The following NKAIN2 variants were observed in gnomAD, a reference collection of about 807,000 sequenced individuals.
The protein encoded by NKAIN2 is sodium/potassium-transporting ATPase subunit beta-1-interacting protein 2.
Under a neutral mutation model 32.6 loss-of-function variants are expected in NKAIN2, and 14 were observed. That is an observed-to-expected ratio of 0.43 (90% CI 0.28 to 0.67). The LOEUF (loss-of-function observed/expected upper bound fraction) is 0.67. NKAIN2 is among the 30% of genes least tolerant of loss of function. The probability of loss-of-function intolerance (pLI) is 0.17; values close to 1 mark genes in which losing one functional copy is unlikely to be tolerated. For missense variants in NKAIN2, 198 were observed against 258.3 expected, an observed-to-expected ratio of 0.77 and a Z score of 1.60; for synonymous variants, 80 against 87.2, an observed-to-expected ratio of 0.92 and a Z score of 0.46.
At chr6:124,544,871 A>G (rs1780038153) in intron 3 of NKAIN2, among the ~76,000 whole-genome samples, 2 of 152,164 alleles carry the variant, frequency 1.3e-5, no homozygotes, top group Admixed American at 1.3e-4. Context: ...CTTCCCCGGA[A>G]AATTTTTTTG....
At chr6:123,925,792 T>C (rs1207375680) in intron 1 of NKAIN2, among the ~76,000 whole-genome samples, 2 of 152,220 alleles carry the variant, frequency 1.3e-5, no homozygotes, top group Non-Finnish European at 1.5e-5. Context: ...CTGATTTTTC[T>C]TTTTGCTCTT....
intron 4 of NKAIN2, among the ~76,000 whole-genome samples, chr6:124,690,775 T>C (rs1370736227): frequency 1.3e-5 from 2 of 152,204 alleles, no homozygotes; most frequent in Non-Finnish European, 2.9e-5. Context: ...CTGAATAGCA[T>C]AGCAGCTTTC....
chr6:124,800,557 C>T (rs1482470865), intron 5 of NKAIN2, among the ~76,000 whole-genome samples: 1 of 152,120 alleles, frequency 6.6e-6, no homozygotes, highest in Non-Finnish European at 1.5e-5. Flanking sequence ...AGTAATTAGG[C>T]TGAAGACAAA....
At position 124,759,377 on chromosome 6, in the gene NKAIN2, ATTATT is replaced by A. The variant is rs200590566; in HGVS notation, c.475-31958_475-31954del. On this transcript the variant is annotated intron_variant, in intron 4 of 6. Coordinates refer to ENST00000368417, the MANE Select transcript of NKAIN2 (RefSeq NM_001040214.3). ...CCAATTCTTACCAAGAGTTTAGAAT[ATTATT>A]TTAAGTTAGTAAATATTAACTAAAG... Among the ~76,000 whole-genome samples the A allele has an allele frequency of 6.8e-3, 1,035 of 152,280 alleles. 32 individuals are homozygous for A. Among genetic ancestry groups the A allele is most frequent in the Admixed American group, 0.058 (880 of 15,274 alleles).
rs575477850 is a variant in NKAIN2, at chr6:124,457,047, A to G, written c.273+101700A>G. Among the ~76,000 whole-genome samples, 21 of 152,006 alleles carry G rather than the reference A, an allele frequency of 1.4e-4. No individual in the cohort carries two copies. In the South Asian group the frequency reaches 4.4e-3, roughly 32 times the overall value. On this transcript the variant is annotated intron_variant, in intron 3 of 6. Transcript: ENST00000368417. ...GAATGTACTTTAATTTTTATTTACA[A>G]TTCTGGATCAGGGTAAGTTGCAACT... is the stretch of plus-strand genomic sequence containing the variant.
intron 1 of NKAIN2, among the ~76,000 whole-genome samples, chr6:123,941,880 T>TA (rs1776843719): frequency 6.6e-6 from 1 of 151,948 alleles, no homozygotes; most frequent in African/African-American, 2.4e-5. Context: ...CTCTTTTTTT[T>TA]ACCAATCCCT....
intron 4 of NKAIN2, among the ~76,000 whole-genome samples, chr6:124,770,419 C>T (rs1325503735): frequency 6.6e-6 from 1 of 152,176 alleles, no homozygotes; most frequent in Non-Finnish European, 1.5e-5. Flanking sequence ...GAAATTCTCA[C>T]TGTGTATCTG....
chr6:124,778,762 C>A (rs890515323), intron 4 of NKAIN2, among the ~76,000 whole-genome samples: 5 of 152,014 alleles, frequency 3.3e-5, no homozygotes, highest in African/African-American at 4.8e-5. Flanking sequence ...GCTAACCATT[C>A]TCAACCTCTG....
intron 3 of NKAIN2, among the ~76,000 whole-genome samples, chr6:124,446,834 G>T (rs529685736): frequency 6.6e-6 from 1 of 152,028 alleles, no homozygotes; most frequent in African/African-American, 2.4e-5. Context: ...TTCCAACCAG[G>T]AAAGATTCTG....
intron 4 of NKAIN2, among the ~76,000 whole-genome samples, chr6:124,746,286 T>G (rs1211999639): frequency 6.6e-6 from 1 of 151,874 alleles, no homozygotes; most frequent in African/African-American, 2.4e-5. Flanking sequence ...AAAAGAAAAT[T>G]AGTGCTTTTA....
intron 1 of NKAIN2, among the ~76,000 whole-genome samples, chr6:124,170,718 AAAGTAT>A (rs1380307543): frequency 6.6e-6 from 1 of 152,174 alleles, no homozygotes; most frequent in Non-Finnish European, 1.5e-5. Context: ...TTAGAATACG[AAAGTAT>A]AAATAGCAAA....
At chr6:124,190,330 C>T (rs1201723232) in intron 1 of NKAIN2, among the ~76,000 whole-genome samples, 1 of 152,160 alleles carries the variant, frequency 6.6e-6, no homozygotes, top group Admixed American at 6.5e-5. Flanking sequence ...TAGCAATTAC[C>T]TTAAATGATT....
intron 1 of NKAIN2, among the ~76,000 whole-genome samples, chr6:124,282,017 C>G (rs564961028): frequency 6.6e-5 from 10 of 152,220 alleles, no homozygotes; most frequent in African/African-American, 2.4e-4. Context: ...TATCATCCCC[C>G]CTGAGGGCAG....
intron 4 of NKAIN2, among the ~76,000 whole-genome samples, chr6:124,750,622 G>A (rs1206571849): frequency 6.6e-6 from 1 of 151,930 alleles, no homozygotes; most frequent in Admixed American, 6.6e-5. Context: ...TATACCAGTT[G>A]TGTAAGTATA....
At position 124,247,042 on chromosome 6, in the gene NKAIN2, G is replaced by C. The variant is rs541612442; in HGVS notation, c.55-35963G>C. Reference sequence around the variant, plus strand: ...CTTTGCACATAATTTCTACATTTCAGAACCAGCAGGGAGATAGTGTTGTGT... The same window carrying C: ...CTTTGCACATAATTTCTACATTTCACAACCAGCAGGGAGATAGTGTTGTGT... On this transcript the variant is annotated intron_variant, in intron 1 of 6. Transcript: ENST00000368417. 2.6e-5 allele frequency among the ~76,000 whole-genome samples: 4 copies of C among 151,980 alleles called. No homozygotes were observed. In the South Asian group the frequency reaches 8.3e-4, roughly 32 times the overall value.
At chr6:124,154,138 T>A (rs1428292258) in intron 1 of NKAIN2, among the ~76,000 whole-genome samples, 1 of 151,886 alleles carries the variant, frequency 6.6e-6, no homozygotes, top group Non-Finnish European at 1.5e-5. Flanking sequence ...ATTTTTCAAA[T>A]GTTAAACAAA....
chr6:124,229,341 A>G (rs924571240), intron 1 of NKAIN2, among the ~76,000 whole-genome samples: 11 of 152,204 alleles, frequency 7.2e-5, no homozygotes, highest in Admixed American at 6.5e-4. Flanking sequence ...CCATGAAGAT[A>G]TATGGACTAT....
chr6:124,343,386 G>C (rs1256854726), intron 2 of NKAIN2, among the ~76,000 whole-genome samples: 1 of 150,130 alleles, frequency 6.7e-6, no homozygotes, highest in Non-Finnish European at 1.5e-5. Context: ...TCTAGTTCTA[G>C]ATCCCAGAGG....
chr6:124,639,144 T>C (rs1175787600), intron 3 of NKAIN2, among the ~76,000 whole-genome samples: 1 of 152,084 alleles, frequency 6.6e-6, no homozygotes, highest in Non-Finnish European at 1.5e-5. Context: ...AGTAAATTAG[T>C]ACAGCCATTG....
Sources: allele counts gnomAD v4.1 joint callset (sites outside exome capture counted in the v4.1 genomes callset), GRCh38; gene constraint gnomAD v4.1.1; transcripts MANE v1.5; gene names NCBI Gene and HGNC (gene_info 2026-07-23, HGNC 2026-07-21).